The following LSAMP variants were observed in gnomAD, a reference collection of about 807,000 sequenced individuals.
LSAMP encodes limbic system-associated membrane protein.
LSAMP carries 7 observed loss-of-function variants against 38.6 expected under a neutral mutation model. The observed-to-expected ratio is 0.18, with a 90% CI of 0.10 to 0.34. The LOEUF is 0.34. Among genes scored for constraint, LSAMP ranks in the 10% least tolerant of loss-of-function variants. LSAMP has a pLI of 1.00. For missense variants in LSAMP, 313 were observed against 420.0 expected (o/e 0.75, Z 2.23); for synonymous variants, 154 against 166.8 (o/e 0.92, Z 0.59).
At chr3:115,862,912 C>T (rs9863294) in intron 3 of LSAMP, among the ~76,000 whole-genome samples, 1,539 of 152,206 alleles carry the variant, frequency 0.01, 14 homozygotes, top group South Asian at 0.026. Flanking sequence ...GTAGAGGTGG[C>T]GTGGGAGAGA....
intron 1 of LSAMP, among the ~76,000 whole-genome samples, chr3:116,141,387 T>TAGAG (rs1240535429): frequency 1.3e-5 from 2 of 149,156 alleles, no homozygotes; most frequent in Admixed American, 6.8e-5. Context: ...TGTACCTTAG[T>TAGAG]AGAGAAAGGT....
intron 6 of LSAMP, among the ~76,000 whole-genome samples, chr3:115,828,703 C>T (rs1445777271): frequency 6.6e-6 from 1 of 152,300 alleles, no homozygotes; most frequent in East Asian, 1.9e-4. Flanking sequence ...ACAAGACTGC[C>T]AATTACTTAA....
intron 3 of LSAMP, among the ~76,000 whole-genome samples, chr3:115,857,450 T>C (rs183967601): frequency 1.5e-4 from 23 of 152,352 alleles, no homozygotes; most frequent in Non-Finnish European, 1.0e-4. Flanking sequence ...GTTTAAGTTC[T>C]CTGGTAGACG....
intron 3 of LSAMP, among the ~76,000 whole-genome samples, chr3:115,947,270 ATAT>A (rs1311127322): frequency 6.6e-6 from 1 of 152,196 alleles, no homozygotes; most frequent in Admixed American, 6.5e-5. Context: ...CCTTCTAATA[ATAT>A]TATACTGAAA....
At chr3:116,187,912 A>G (rs535806245) in intron 1 of LSAMP, among the ~76,000 whole-genome samples, 203 of 152,106 alleles carry the variant, frequency 1.3e-3, no homozygotes, top group African/African-American at 4.6e-3. Context: ...CCTAGTACCC[A>G]TTAGTTATTT....
intron 1 of LSAMP, among the ~76,000 whole-genome samples, chr3:116,230,753 C>G (rs1440121713): frequency 6.6e-6 from 1 of 152,046 alleles, no homozygotes; most frequent in African/African-American, 2.4e-5. Context: ...ATTTACAGTA[C>G]TAGTAATTAA....
At chr3:115,925,752 G>A (rs927633989) in intron 3 of LSAMP, among the ~76,000 whole-genome samples, 2 of 152,086 alleles carry the variant, frequency 1.3e-5, no homozygotes, top group Non-Finnish European at 2.9e-5. Context: ...CACTGATTGA[G>A]TGTTCCAGTT....
intron 3 of LSAMP, among the ~76,000 whole-genome samples, chr3:115,885,924 G>A (rs1936443146): frequency 6.6e-6 from 1 of 151,778 alleles, no homozygotes; most frequent in East Asian, 1.9e-4. Context: ...AGACAACATT[G>A]GAATTTTCAT....
In LSAMP at chr3:115,945,824, T is replaced by C. The variant is rs145423758; in HGVS notation, c.514+73691A>G. ...TAGACACCTCTCAATTATTCACAGA[T>C]GGATCATCAAGAACAAATTTTGCTT... On this transcript the variant is annotated intron_variant, in intron 3 of 6. Transcript: ENST00000490035. Among the ~76,000 whole-genome samples the C allele has an allele frequency of 2.7e-3, 404 of 152,308 alleles. 2 individuals carry two copies. Among genetic ancestry groups the C allele is most frequent in the Non-Finnish European group, 4.2e-3 (286 of 68,016 alleles).
At position 116,379,741 on chromosome 3, in the gene LSAMP, A is replaced by G. The variant is rs146778141; in HGVS notation, c.155+65136T>C. Among the ~76,000 whole-genome samples the G allele has an allele frequency of 2.8e-3, 431 of 152,152 alleles. 2 individuals carry two copies. The highest frequency in any genetic ancestry group is 4.7e-3 in the Non-Finnish European group (321 of 67,954). ...AAAACCATAAGAATCAGCATAATCA[A>G]AAAGATCTGTGGTAAGCAAGAGAGT... On this transcript the variant is annotated intron_variant, in intron 1 of 6. Coordinates refer to ENST00000490035, the MANE Select transcript of LSAMP (RefSeq NM_002338.5).
intron 2 of LSAMP, among the ~76,000 whole-genome samples, chr3:116,021,242 C>T (rs969465867): frequency 2.6e-5 from 4 of 152,100 alleles, no homozygotes; most frequent in African/African-American, 9.7e-5. Flanking sequence ...GTCGTTTTCT[C>T]ATATTCACAC....
intron 1 of LSAMP, among the ~76,000 whole-genome samples, chr3:116,295,222 G>A (rs2107698706): frequency 6.6e-6 from 1 of 152,242 alleles, no homozygotes; most frequent in African/African-American, 2.4e-5. Flanking sequence ...AAGGCTAAAG[G>A]AATTTTTAAA....
intron 1 of LSAMP, among the ~76,000 whole-genome samples, chr3:116,145,706 T>G (rs1709475667): frequency 6.6e-6 from 1 of 151,982 alleles, no homozygotes; most frequent in Non-Finnish European, 1.5e-5. Flanking sequence ...CATTGTATCT[T>G]TTATAGAATA....
At chr3:116,003,978 A>T (rs966690405) in intron 3 of LSAMP, among the ~76,000 whole-genome samples, 3 of 152,190 alleles carry the variant, frequency 2.0e-5, no homozygotes, top group African/African-American at 7.2e-5. Flanking sequence ...ACTAATACAC[A>T]GACGTAGTTA....
At chr3:115,834,547 A>G (rs1934722024) in intron 6 of LSAMP, 1 of 1,284,274 alleles carries the variant, frequency 7.8e-7, no homozygotes, top group Non-Finnish European at 1.0e-6. Context: ...CTACAGTGAT[A>G]AAAATCATAC....
intron 1 of LSAMP, among the ~76,000 whole-genome samples, chr3:116,114,691 A>C (rs1306323033): frequency 6.6e-6 from 1 of 152,218 alleles, no homozygotes; most frequent in African/African-American, 2.4e-5. Flanking sequence ...AACATTTATA[A>C]TCTTGTGATA....
At chr3:116,283,316 A>G (rs7619638) in intron 1 of LSAMP, among the ~76,000 whole-genome samples, 24,725 of 152,144 alleles carry the variant, frequency 0.16, 3,595 homozygotes, top group African/African-American at 0.39. Context: ...TATATGATAC[A>G]ATTATGAAGA....
chr3:116,281,881 T>A (rs1162210376), intron 1 of LSAMP, among the ~76,000 whole-genome samples: 1 of 152,190 alleles, frequency 6.6e-6, no homozygotes, highest in Non-Finnish European at 1.5e-5. Flanking sequence ...TACACTGACA[T>A]CTTGAGAGGT....
intron 1 of LSAMP, among the ~76,000 whole-genome samples, chr3:116,341,176 C>T (rs182518679): frequency 4.6e-5 from 7 of 151,914 alleles, no homozygotes; most frequent in Admixed American, 3.9e-4. Context: ...TCAGCAAACT[C>T]TCAAAACCTT....
Sources: allele counts gnomAD v4.1 joint callset (sites outside exome capture counted in the v4.1 genomes callset), GRCh38; gene constraint gnomAD v4.1.1; transcripts MANE v1.5; gene names NCBI Gene and HGNC (gene_info 2026-07-23, HGNC 2026-07-21).